Variants in ICE2 observed in about 807,000 individuals in gnomAD.
ICE2 encodes interactor of little elongation complex ELL subunit 2.
ICE2 carries 87 observed loss-of-function variants against 105.4 expected under a neutral mutation model. That is an observed-to-expected ratio of 0.83 (90% CI 0.69 to 0.99). ICE2 has a LOEUF of 0.99. ICE2 is among the 50% of genes least tolerant of loss of function. The pLI, the probability that ICE2 is intolerant of heterozygous loss-of-function variation, is 0.00. For missense variants in ICE2, 1,323 were observed against 1,146.7 expected, an observed-to-expected ratio of 1.15 and a Z score of -2.22; for synonymous variants, 399 against 392.0, an observed-to-expected ratio of 1.02 and a Z score of -0.21.
In ICE2 at chr15:60,449,061, T is replaced by G; in HGVS notation, c.1906A>C (p.Lys636Gln). The G allele has an allele frequency of 6.2e-7, 1 of 1,613,546 alleles. No homozygotes were observed. The highest frequency in any genetic ancestry group is 1.1e-5 in the South Asian group (1 of 91,002). The part of the protein sequence containing the change: ...EESCVLKKPI[K>Q]RVYKKFDPVG... ...GGATCAAATTTTTTATATACTCGTT[T>G]GATAGGTTTTTTTAAAACACATGAC... The change falls in exon 10 of 16, where the codon AAA becomes CAA. Residue 636 changes from lysine (K) to glutamine (Q), a missense_variant. Coordinates refer to ENST00000261520, the MANE Select transcript of ICE2 (RefSeq NM_024611.6).
rs117021308 is a variant in ICE2, at chr15:60,475,623, A to G, written c.146+440T>C. Among the ~76,000 whole-genome samples, 60 of 152,308 alleles carry G rather than the reference A, an allele frequency of 3.9e-4. No individual in the cohort carries two copies. The East Asian group carries it at 0.011, about 28-fold the overall frequency. On this transcript the variant is annotated intron_variant, in intron 3 of 15. Transcript: ENST00000261520. ...TTCAAAATATCACTTTAAATGACAG[A>G]TAATTGCAAAACAGTTTTATAGTAT...
intron 12 of ICE2, among the ~76,000 whole-genome samples, chr15:60,437,058 G>T (rs754284297): frequency 3.3e-5 from 5 of 151,860 alleles, no homozygotes; most frequent in Non-Finnish European, 4.4e-5. Context: ...TTCAAGACCA[G>T]CCTGGCCAAC....
intron 14 of ICE2, among the ~76,000 whole-genome samples, chr15:60,430,964 C>A (rs530127849): frequency 1.4e-4 from 22 of 152,168 alleles, no homozygotes; most frequent in Non-Finnish European, 3.1e-4. Flanking sequence ...CTCTGCCTCC[C>A]GGGTTCAAGC....
rs551409982 is a variant in ICE2 at position 60,445,881 on chromosome 15, G to A, written c.2295+2089C>T. On this transcript the variant is annotated intron_variant, in intron 11 of 15. Coordinates refer to ENST00000261520, the MANE Select transcript of ICE2 (RefSeq NM_024611.6). The stretch of plus-strand genomic sequence containing the variant: ...TCAAAATAAATCAGAGAGATAGCAA[G>A]AATCAAAGAAATAAAACCTTGAAAA... The A allele has an allele frequency of 7.3e-5, 41 of 559,176 alleles. No homozygotes were observed. In the African/African-American group the frequency reaches 8.0e-4, roughly 11 times the overall value. 34.6% of individuals were successfully genotyped at this position (559,176 alleles called of 1,614,324 possible).
At chr15:60,440,205 G>T (rs573765212) in intron 12 of ICE2, 19 of 152,346 alleles carry the variant, frequency 1.2e-4, no homozygotes, top group African/African-American at 3.6e-4. Context: ...GTAGTGATCT[G>T]TGGACTGAAG....
At chr15:60,475,011 C>T (rs2064718311) in intron 3 of ICE2, among the ~76,000 whole-genome samples, 1 of 151,976 alleles carries the variant, frequency 6.6e-6, no homozygotes, top group Admixed American at 6.6e-5. Flanking sequence ...TGGGAAAGAA[C>T]AAAGATAGAG....
chr15:60,424,384 A>G (rs2063293983), intron 15 of ICE2, among the ~76,000 whole-genome samples: 1 of 21,904 alleles, frequency 4.6e-5, no homozygotes, highest in South Asian at 1.5e-3. Context: ...GAAATAAGAA[A>G]AGGGGAAGAA....
chr15:60,473,415 C>T (rs1307210657), intron 3 of ICE2, among the ~76,000 whole-genome samples: 1 of 152,048 alleles, frequency 6.6e-6, no homozygotes, highest in Non-Finnish European at 1.5e-5. Flanking sequence ...ACCTCAGCCT[C>T]CCCAGTAGCT....
At chr15:60,458,730 C>T (rs751625693) in intron 5 of ICE2, among the ~76,000 whole-genome samples, 5 of 152,136 alleles carry the variant, frequency 3.3e-5, no homozygotes, top group South Asian at 2.1e-4. Flanking sequence ...GTAATACACA[C>T]GCGCACACAC....
chr15:60,478,771 G>A (rs1001062739), intron 1 of ICE2: 4 of 353,878 alleles, frequency 1.1e-5, no homozygotes, highest in Middle Eastern at 1.0e-3. Context: ...AATAGTCGAG[G>A]AAGGCAAAAG....
intron 5 of ICE2, among the ~76,000 whole-genome samples, chr15:60,460,661 G>C (rs1444447974): frequency 6.6e-6 from 1 of 152,134 alleles, no homozygotes; most frequent in Non-Finnish European, 1.5e-5. Flanking sequence ...GTACACTGTA[G>C]GATATTTAGT....
Position 60,474,045 on chromosome 15 carries a change from T to C in ICE2, c.146+2018A>G, listed in dbSNP as rs191778007. 3.9e-5 allele frequency among the ~76,000 whole-genome samples: 6 copies of C among 152,206 alleles called. No homozygotes were observed. In the East Asian group the frequency reaches 5.8e-4, roughly 15 times the overall value. ...TGCCTCAGCCTCCTAAGTAAGACTA[T>C]AGGTATGTGCCACTACACACAGCAA... On this transcript the variant is annotated intron_variant, in intron 3 of 15. Transcript: ENST00000261520.
chr15:60,455,717 G>C (rs577458335), intron 6 of ICE2, among the ~76,000 whole-genome samples: 1 of 151,624 alleles, frequency 6.6e-6, no homozygotes, highest in African/African-American at 2.4e-5. Context: ...TCCTGGGTTC[G>C]AGCAATTCTC....
intron 12 of ICE2, chr15:60,438,204 A>T (rs1412335181): frequency 6.6e-6 from 1 of 152,210 alleles, no homozygotes; most frequent in Admixed American, 6.5e-5. Flanking sequence ...TAAAAACATC[A>T]ACTAGCATGA....
intron 15 of ICE2, among the ~76,000 whole-genome samples, chr15:60,428,196 T>G (rs913575342): frequency 6.6e-6 from 1 of 152,190 alleles, no homozygotes; most frequent in Non-Finnish European, 1.5e-5. Context: ...CTGTGCAAGC[T>G]AAGAGAGTTT....
intron 5 of ICE2, among the ~76,000 whole-genome samples, chr15:60,465,913 G>A (rs1398671288): frequency 1.3e-5 from 2 of 151,696 alleles, no homozygotes; most frequent in Non-Finnish European, 2.9e-5. Context: ...CACCACGACT[G>A]GCTAATTTTG....
intron 6 of ICE2, among the ~76,000 whole-genome samples, chr15:60,456,438 G>A (rs1448498559): frequency 2.7e-5 from 4 of 148,906 alleles, no homozygotes; most frequent in African/African-American, 9.8e-5. Context: ...CAGCTACTTG[G>A]GAGGCTAAGG....
At chr15:60,431,385 G>C (rs1481756329) in intron 14 of ICE2, among the ~76,000 whole-genome samples, 1 of 151,990 alleles carries the variant, frequency 6.6e-6, no homozygotes, top group African/African-American at 2.4e-5. Context: ...TAATCACCAG[G>C]AACCTTATAA....
chr15:60,449,140 G>A lies in ICE2; in HGVS notation c.1827C>T (p.Ser609=), dbSNP rs1160276775. Residue 609 remains serine (S), a synonymous_variant, in exon 10 of 16, where the codon TCC becomes TCT. Transcript: ENST00000261520. The part of the protein sequence containing the change: ...LSSRPASPNS[S]SGQASVGNQT... ...GGTTTCCTACAGAAGCCTGTCCTGAGGAAGAATTTGGACTAGCTGGTCTGG... is the reference window on the plus strand; with the variant it reads ...GGTTTCCTACAGAAGCCTGTCCTGAAGAAGAATTTGGACTAGCTGGTCTGG... 6.2e-7 allele frequency: 1 copy of A among 1,613,896 alleles called. No individual in the cohort carries two copies. The highest frequency in any genetic ancestry group is 8.5e-7 in the Non-Finnish European group (1 of 1,179,926).
Sources: allele counts gnomAD v4.1 joint callset (sites outside exome capture counted in the v4.1 genomes callset), GRCh38; gene constraint gnomAD v4.1.1; transcripts MANE v1.5; gene names NCBI Gene and HGNC (gene_info 2026-07-23, HGNC 2026-07-21).